CAPN15: variants seen among roughly 807,000 people sequenced by gnomAD.
The protein encoded by CAPN15 is calpain 15.
A neutral mutation model predicts 97.9 loss-of-function variants in CAPN15; 53 were observed. The observed-to-expected ratio is 0.54, with a 90% CI of 0.43 to 0.68. CAPN15 has a LOEUF of 0.68. Among genes scored for constraint, CAPN15 ranks in the 30% least tolerant of loss-of-function variants. The probability of loss-of-function intolerance (pLI) is 0.00; values close to 1 mark genes in which losing one functional copy is unlikely to be tolerated. For synonymous variants in CAPN15, 922 were observed against 722.5 expected (o/e 1.28, Z -4.43); for missense variants, 1,592 against 1,589.8 (o/e 1.00, Z -0.02).
At chr16:544,063 ACGGGC>A (rs1172441023) in intron 3 of CAPN15, among the ~76,000 whole-genome samples, 1 of 152,126 alleles carries the variant, frequency 6.6e-6, no homozygotes, top group Admixed American at 6.5e-5. Context: ...TAAGTCATCT[ACGGGC>A]CGGGCACCGG....
rs1250501425 is a variant in CAPN15 at position 549,363 on chromosome 16, T to C, written c.1734T>C (p.Cys578=). 1 of 1,597,812 alleles carries C rather than the reference T, an allele frequency of 6.3e-7. No individual in the cohort carries two copies. The highest frequency in any genetic ancestry group is 1.7e-5 in the Admixed American group (1 of 59,668). Residue 578 remains cysteine (C), a synonymous_variant, in exon 6 of 14, where the codon TGT becomes TGC. Coordinates refer to ENST00000219611, the MANE Select transcript of CAPN15 (RefSeq NM_005632.3). ...GGGTGATGGTCACGCGCAGCCTGTG[T>C]GCAGAGGGCGCCTACCAGGTGCGGC... ...VERVMVTRSL[C]AEGAYQVRLC... is the part of the protein sequence containing the mutation.
chr16:547,796 G>T lies in CAPN15; in HGVS notation c.958G>T (p.Asp320Tyr). The T allele has an allele frequency of 6.2e-7, 1 of 1,611,994 alleles. No homozygotes were observed. Among genetic ancestry groups the T allele is most frequent in the Non-Finnish European group, 8.5e-7 (1 of 1,179,626 alleles). Residue 320 changes from aspartate to tyrosine, a missense_variant, in exon 4 of 14, where the codon GAC becomes TAC. Asp to Tyr is a radical substitution (Grantham distance 160, BLOSUM62 -3). Around this residue, in one of 3 missense-constraint regions of CAPN15, gnomAD observed 883 missense variants for 776.6 expected, o/e 1.14. Transcript: ENST00000219611. ...VEAGSSTSGS[D>Y]IIDLAGDTVR... is the part of the protein sequence containing the mutation. ...GGCCGGCAGCTCCACCTCGGGCAGTGACATCATTGACCTGGCCGGAGACAC... is the reference window on the plus strand; with the variant it reads ...GGCCGGCAGCTCCACCTCGGGCAGTTACATCATTGACCTGGCCGGAGACAC...
intron 3 of CAPN15, chr16:540,062 G>A: frequency 5.1e-6 from 5 of 984,230 alleles, no homozygotes; most frequent in Non-Finnish European, 6.0e-6. Flanking sequence ...CTCTCTGTCT[G>A]TTTATTTTTG....
rs1015661141 is a variant in CAPN15, at chr16:552,699, C to T, written c.2832C>T (p.Pro944=). ...VYSSRLVMVE[P]VEAQPTTLAD... is the part of the protein sequence containing the mutation. Reference sequence around the variant, plus strand: ...GCTCGAGGCTGGTCATGGTGGAGCCCGTGGAAGCCCAGCCGACCACGCTGG... The same window carrying T: ...GCTCGAGGCTGGTCATGGTGGAGCCTGTGGAAGCCCAGCCGACCACGCTGG... Residue 944 remains proline (P), a synonymous_variant, in exon 12 of 14, where the codon CCC becomes CCT. Coordinates refer to ENST00000219611, the MANE Select transcript of CAPN15 (RefSeq NM_005632.3). The surrounding 1 kb of genome is among the most constrained non-coding windows in gnomAD (Gnocchi z 6.4). The T allele has an allele frequency of 3.3e-5, 51 of 1,544,254 alleles. No homozygotes were observed. Among genetic ancestry groups the T allele is most frequent in the South Asian group, 2.3e-4 (19 of 84,000 alleles).
intron 9 of CAPN15, 55 bp downstream of exon 9, chr16:551,719 C>T (rs2035093412): frequency 6.4e-7 from 1 of 1,573,146 alleles, no homozygotes; most frequent in Admixed American, 1.7e-5. Flanking sequence ...AGGGCCGAGT[C>T]CTTCTCTGGA....
chr16:553,743 C>G lies in CAPN15; in HGVS notation c.*227C>G, dbSNP rs746599849. 81 of 440,526 alleles carry G rather than the reference C, an allele frequency of 1.8e-4. No homozygotes were observed. The highest frequency in any genetic ancestry group is 2.8e-5 in the Non-Finnish European group (7 of 247,736). The allele number at this position is 440,526 out of a possible 1,614,324, so 27.3% of individuals were successfully genotyped here. On this transcript the variant is annotated 3_prime_UTR_variant, in exon 14 of 14. Coordinates refer to ENST00000219611, the MANE Select transcript of CAPN15 (RefSeq NM_005632.3). Reference sequence around the variant, plus strand: ...CTCCTGGCCGCCACGCAGAATACCTCGAACCAGGCGGGCTGTGAACCAGCC... The same window carrying G: ...CTCCTGGCCGCCACGCAGAATACCTGGAACCAGGCGGGCTGTGAACCAGCC...
At chr16:553,213 C>T in intron 13 of CAPN15, 126 bp from the exon 14 acceptor site, 1 of 491,284 alleles carries the variant, frequency 2.0e-6, no homozygotes. Context: ...GTGCTCATAC[C>T]CCTGCCCCCA....
chr16:550,644 G>C (rs1342055398), intron 7 of CAPN15, among the ~76,000 whole-genome samples: 1 of 151,724 alleles, frequency 6.6e-6, no homozygotes, highest in Non-Finnish European at 1.5e-5. Context: ...GTCAGTGAGG[G>C]TTCCCTGTCG....
rs1210242069 is a variant in CAPN15 at position 548,225 on chromosome 16, C to A, written c.1387C>A (p.Arg463=). 8 of 1,549,848 alleles carry A rather than the reference C, an allele frequency of 5.2e-6. No homozygotes were observed. Among genetic ancestry groups the A allele is most frequent in the Non-Finnish European group, 5.2e-6 (6 of 1,149,044 alleles). ...RRESMHVEQR[R]QTDEGEAKAL... Reference sequence around the variant, plus strand: ...GGAGAGCATGCACGTGGAGCAGCGGCGGCAGACAGACGAGGGCGAGGCCAA... The same window carrying A: ...GGAGAGCATGCACGTGGAGCAGCGGAGGCAGACAGACGAGGGCGAGGCCAA... The change falls in exon 4 of 14, where the codon CGG becomes AGG. Residue 463 remains arginine (R), a synonymous_variant. Transcript: ENST00000219611.
In CAPN15 at chr16:547,676, T is replaced by C. The variant is rs1477989049; in HGVS notation, c.838T>C (p.Trp280Arg). 6.3e-7 allele frequency: 1 copy of C among 1,585,782 alleles called. No individual in the cohort carries two copies. The highest frequency in any genetic ancestry group is 8.6e-7 in the Non-Finnish European group (1 of 1,164,942). The change falls in exon 4 of 14, where the codon TGG (tryptophan) becomes CGG (arginine). Residue 280 changes from tryptophan (W) to arginine (R), a missense_variant. Transcript: ENST00000219611. ...GCRGAPQGSG[W>R]AGASRLAELL... The stretch of plus-strand genomic sequence containing the variant: ...CAGGGGAGCCCCCCAGGGCTCGGGC[T>C]GGGCTGGGGCCTCCCGCCTAGCAGA...
At position 549,092 on chromosome 16, in the gene CAPN15, C is replaced by A. The variant is rs1420065319; in HGVS notation, c.1549C>A (p.Arg517=). The part of the protein sequence containing the change: ...SVQQRVRQWL[R]PQEINCSVFR... ...GCAGCAGCGTGTGAGGCAGTGGCTG[C>A]GACCCCAGGAGATCAACTGCTCCGT... The change falls in exon 5 of 14, where the codon CGA becomes AGA. Residue 517 remains arginine (R), a synonymous_variant. Transcript: ENST00000219611. 2 of 1,612,402 alleles carry A rather than the reference C, an allele frequency of 1.2e-6. No homozygotes were observed. Among genetic ancestry groups the A allele is most frequent in the Non-Finnish European group, 1.7e-6 (2 of 1,179,940 alleles).
At position 553,436 on chromosome 16, in the gene CAPN15, G is replaced by A; in HGVS notation, c.3181G>A (p.Asp1061Asn). ...HRKAAQAFLS[D>N]WTASKGTHSP... ...CAAGGCAGCCCAGGCCTTCCTCAGT[G>A]ACTGGACAGCCTCCAAGGGGACCCA... The change falls in exon 14 of 14, where the codon GAC (aspartate) becomes AAC (asparagine). Residue 1061 changes from aspartate (D) to asparagine (N), a missense_variant. By Grantham distance (23) the Asp-to-Asn change is conservative. Coordinates refer to ENST00000219611, the MANE Select transcript of CAPN15 (RefSeq NM_005632.3). 1 of 1,611,392 alleles carries A rather than the reference G, an allele frequency of 6.2e-7. No homozygotes were observed. Among genetic ancestry groups the A allele is most frequent in the East Asian group, 2.2e-5 (1 of 44,728 alleles).
Position 551,598 on chromosome 16 carries a change from G to C in CAPN15, c.2279G>C (p.Arg760Pro). 6.2e-7 allele frequency: 1 copy of C among 1,609,074 alleles called. No homozygotes were observed. The highest frequency in any genetic ancestry group is 8.5e-7 in the Non-Finnish European group (1 of 1,179,060). The change falls in exon 9 of 14, where the codon CGT becomes CCT. Residue 760 changes from arginine to proline, a missense_variant. Arg to Pro is a moderately radical substitution (Grantham distance 103). This residue lies in a region of CAPN15 where 644 missense variants were observed against 699.6 expected (regional missense o/e 0.92). Transcript: ENST00000219611. ...DEWPHWPGHLRGELMPHGSSE... is the reference protein window; with the variant it reads ...DEWPHWPGHLPGELMPHGSSE... ...TGGCCACACTGGCCGGGGCACCTGC[G>C]TGGCGAGCTCATGCCGCACGGCAGC...
At chr16:534,203 C>T (rs903874732) in intron 2 of CAPN15, among the ~76,000 whole-genome samples, 9 of 152,266 alleles carry the variant, frequency 5.9e-5, no homozygotes, top group Non-Finnish European at 1.0e-4. Context: ...TCGTGGGAGG[C>T]GACGGTGAGG....
At chr16:533,325 G>A (rs1434025806) in intron 1 of CAPN15, among the ~76,000 whole-genome samples, 1 of 152,260 alleles carries the variant, frequency 6.6e-6, no homozygotes, top group Non-Finnish European at 1.5e-5. Flanking sequence ...AGGGCGGGAA[G>A]CGTGAGCATC....
Position 549,354 on chromosome 16 carries a change from C to T in CAPN15, c.1725C>T (p.Arg575=), listed in dbSNP as rs2034830008. 1.9e-6 allele frequency: 3 copies of T among 1,596,694 alleles called. No homozygotes were observed. Among genetic ancestry groups the T allele is most frequent in the Admixed American group, 1.7e-5 (1 of 59,588 alleles). ...PDLVERVMVT[R]SLCAEGAYQV... is the part of the protein sequence containing the mutation. ...TGGTGGAGCGGGTGATGGTCACGCG[C>T]AGCCTGTGTGCAGAGGGCGCCTACC... is the stretch of plus-strand genomic sequence containing the variant. The change falls in exon 6 of 14, where the codon CGC becomes CGT. Residue 575 remains arginine, a synonymous_variant. Transcript: ENST00000219611.
At chr16:551,979 T>C in intron 9 of CAPN15, 72 bp from the exon 10 acceptor site, 1 of 1,471,258 alleles carries the variant, frequency 6.8e-7, no homozygotes, top group Non-Finnish European at 9.2e-7. Context: ...CGGCCTGTGG[T>C]TGCGGTAGGC....
rs766373884 is a variant in CAPN15, at chr16:549,138, C to T, written c.1595C>T (p.Thr532Met). Residue 532 changes from threonine (T) to methionine (M), a missense_variant, in exon 5 of 14, where the codon ACG becomes ATG. Around this residue, in one of 3 missense-constraint regions of CAPN15, gnomAD observed 65 missense variants for 113.7 expected, o/e 0.57. Coordinates refer to ENST00000219611, the MANE Select transcript of CAPN15 (RefSeq NM_005632.3). ...TCCGTCTTCAGGGACCACAGGGCCA[C>T]GTGGTCTGTGTTCCACACACTGCGG... ...NCSVFRDHRA[T>M]WSVFHTLRPS... 9.3e-6 allele frequency: 15 copies of T among 1,609,134 alleles called. No individual in the cohort carries two copies. The highest frequency in any genetic ancestry group is 1.7e-5 in the Admixed American group (1 of 59,526).
In CAPN15 at chr16:547,229, AAGG is replaced by A. The variant is rs1475125910; in HGVS notation, c.397_399del (p.Glu133del). ...GTGCGAGGACAAGGACGAGGAGGAG[AAGG>A]AGGAGCAGGAGGAGGAGGAGGGAGC... is the stretch of plus-strand genomic sequence containing the variant. On this transcript the variant is annotated inframe_deletion, in exon 4 of 14. Transcript: ENST00000219611. The A allele has an allele frequency of 1.3e-6, 2 of 1,521,756 alleles. No homozygotes were observed. Among genetic ancestry groups the A allele is most frequent in the Admixed American group, 2.0e-5 (1 of 49,062 alleles). 94.3% of individuals were successfully genotyped at this position (1,521,756 alleles called of 1,614,324 possible).
Sources: gnomAD v4.1 joint callset for allele counts (sites outside exome capture counted in the v4.1 genomes callset) on GRCh38, gnomAD v4.1.1 for gene constraint, gnomAD v4.1.1 regional missense constraint, Gnocchi (gnomAD v3.1) non-coding constraint, MANE v1.5 for transcripts, NCBI Gene and HGNC (gene_info 2026-07-23, HGNC 2026-07-21) for gene names.